Variants in GRB2 observed in about 807,000 individuals in gnomAD.
GRB2 encodes the protein growth factor receptor-bound protein 2.
In GRB2, 2 loss-of-function variants were observed where a neutral mutation model predicts 27.4. That is an observed-to-expected ratio of 0.07 (90% CI 0.03 to 0.23). The LOEUF is 0.23. GRB2 is among the 10% of genes least tolerant of loss of function. GRB2 has a pLI of 1.00. For synonymous variants in GRB2, 94 were observed against 99.6 expected (o/e 0.94, Z 0.33); for missense variants, 102 against 282.4 (o/e 0.36, Z 4.58).
intron 2 of GRB2, among the ~76,000 whole-genome samples, chr17:75,366,985 C>T (rs935367988): frequency 1.3e-5 from 2 of 151,972 alleles, no homozygotes; most frequent in African/African-American, 4.8e-5. Context: ...AGGAAAAATA[C>T]GTGAGGCTTC....
At chr17:75,382,161 T>C (rs1242113511) in intron 2 of GRB2, among the ~76,000 whole-genome samples, 1 of 151,666 alleles carries the variant, frequency 6.6e-6, no homozygotes, top group African/African-American at 2.4e-5. Flanking sequence ...AGGCAGAGGT[T>C]GTGGTGAGCC....
At chr17:75,378,585 A>G (rs963402518) in intron 2 of GRB2, among the ~76,000 whole-genome samples, 37 of 152,216 alleles carry the variant, frequency 2.4e-4, no homozygotes, top group African/African-American at 7.7e-4. Flanking sequence ...TCATAGCTAA[A>G]TATGAAAATT....
intron 3 of GRB2, among the ~76,000 whole-genome samples, chr17:75,328,153 C>T (rs1453630514): frequency 3.4e-5 from 5 of 148,086 alleles, no homozygotes; most frequent in Non-Finnish European, 6.0e-5. Context: ...GTGAAACCCA[C>T]TCTCTACCAA....
intron 2 of GRB2, among the ~76,000 whole-genome samples, chr17:75,341,472 CAAAAGA>C (rs2078621224): frequency 8.5e-6 from 1 of 117,264 alleles, no homozygotes; most frequent in Non-Finnish European, 1.8e-5. Context: ...AAAAAAAACA[CAAAAGA>C]AAAACAAAGG....
At chr17:75,353,201 G>GA (rs1253847292) in intron 2 of GRB2, among the ~76,000 whole-genome samples, 1 of 124,826 alleles carries the variant, frequency 8.0e-6, no homozygotes, top group African/African-American at 2.6e-5. Context: ...AAAAAAAAAA[G>GA]ACACAGTTGT....
At chr17:75,376,379 G>A (rs1275109941) in intron 2 of GRB2, among the ~76,000 whole-genome samples, 3 of 132,524 alleles carry the variant, frequency 2.3e-5, no homozygotes, top group Admixed American at 1.6e-4. Context: ...TTTTTAACCC[G>A]ACCTGGTGGC....
intron 2 of GRB2, 104 bp from the exon 3 acceptor site, chr17:75,332,901 A>C: frequency 2.9e-6 from 2 of 689,560 alleles, no homozygotes; most frequent in Non-Finnish European, 4.9e-6. Context: ...GAACGGTTTC[A>C]CTCGAAGTAT....
intron 2 of GRB2, among the ~76,000 whole-genome samples, chr17:75,350,106 T>C (rs2078680563): frequency 6.6e-6 from 1 of 151,728 alleles, no homozygotes; most frequent in Non-Finnish European, 1.5e-5. Flanking sequence ...GGCATATGCC[T>C]GCAGTCCCAG....
At chr17:75,368,525 TG>T (rs1430150501) in intron 2 of GRB2, among the ~76,000 whole-genome samples, 2 of 148,786 alleles carry the variant, frequency 1.3e-5, no homozygotes, top group African/African-American at 2.5e-5. Flanking sequence ...GTCAGGCGTT[TG>T]TTTTTTTTTT....
intron 2 of GRB2, chr17:75,370,999 T>C (rs1303272450): frequency 1.3e-5 from 2 of 152,208 alleles, no homozygotes; most frequent in Non-Finnish European, 2.9e-5. Flanking sequence ...GAATGTTTAT[T>C]GGGCAGTGAC....
intron 2 of GRB2, among the ~76,000 whole-genome samples, chr17:75,376,280 C>T (rs374566500): frequency 1.2e-4 from 16 of 129,350 alleles, no homozygotes; most frequent in Admixed American, 4.6e-4. Context: ...GGGAGGCAGA[C>T]GTTGCAGTGA....
intron 2 of GRB2, among the ~76,000 whole-genome samples, chr17:75,392,933 T>C (rs758639686): frequency 2.6e-5 from 4 of 152,202 alleles, no homozygotes; most frequent in Non-Finnish European, 4.4e-5. Context: ...TATGGGGTAA[T>C]TGCTCCTCAA....
Position 75,383,150 on chromosome 17 carries a change from A to G in GRB2, c.78+10401T>C, listed in dbSNP as rs115863623. On this transcript the variant is annotated intron_variant, in intron 2 of 5. Coordinates refer to ENST00000316804, the MANE Select transcript of GRB2 (RefSeq NM_002086.5). Reference sequence around the variant, plus strand: ...CGACCTTAATATCCTTAAAGTAAATACTATGAGTTTTTCCCAAGGCTGTTT... The same window carrying G: ...CGACCTTAATATCCTTAAAGTAAATGCTATGAGTTTTTCCCAAGGCTGTTT... Among the ~76,000 whole-genome samples, 390 of 151,558 alleles carry G rather than the reference A, an allele frequency of 2.6e-3. 4 individuals carry two copies. The highest frequency in any genetic ancestry group is 9.1e-3 in the African/African-American group (378 of 41,506).
intron 2 of GRB2, among the ~76,000 whole-genome samples, chr17:75,349,806 C>T (rs1334917485): frequency 2.0e-5 from 3 of 152,134 alleles, no homozygotes; most frequent in East Asian, 3.9e-4. Context: ...GGATTACAGG[C>T]GTGAGCCACC....
intron 1 of GRB2, among the ~76,000 whole-genome samples, chr17:75,402,498 A>G (rs1204322694): frequency 6.6e-6 from 1 of 152,234 alleles, no homozygotes; most frequent in Non-Finnish European, 1.5e-5. Flanking sequence ...TGTAATTTTA[A>G]GTTGAATTAC....
At chr17:75,381,929 A>T (rs1289378976) in intron 2 of GRB2, among the ~76,000 whole-genome samples, 1 of 151,706 alleles carries the variant, frequency 6.6e-6, no homozygotes, top group Non-Finnish European at 1.5e-5. Flanking sequence ...GGCTTTTGCC[A>T]TTTTGTTAAA....
intron 2 of GRB2, among the ~76,000 whole-genome samples, chr17:75,357,006 C>T (rs185647290): frequency 1.3e-5 from 2 of 152,290 alleles, no homozygotes; most frequent in African/African-American, 4.8e-5. Flanking sequence ...TATAACATCC[C>T]CAAATGGAAC....
At chr17:75,398,932 G>A (rs959806552) in intron 1 of GRB2, among the ~76,000 whole-genome samples, 2 of 151,970 alleles carry the variant, frequency 1.3e-5, no homozygotes, top group Admixed American at 6.6e-5. Context: ...ATTTTTAATA[G>A]AGACAGGATT....
intron 3 of GRB2, among the ~76,000 whole-genome samples, chr17:75,327,245 A>G (rs1297622412): frequency 6.6e-6 from 1 of 151,342 alleles, no homozygotes; most frequent in African/African-American, 2.4e-5. Flanking sequence ...TGCCCGGCTA[A>G]TATTTTGTAT....
Sources: allele counts gnomAD v4.1 joint callset (sites outside exome capture counted in the v4.1 genomes callset), GRCh38; gene constraint gnomAD v4.1.1; transcripts MANE v1.5; gene names NCBI Gene and HGNC (gene_info 2026-07-23, HGNC 2026-07-21).